The following TM9SF3 variants were observed in gnomAD, a reference collection of about 807,000 sequenced individuals.
TM9SF3 encodes the protein SM-11044-binding protein.
In TM9SF3, 14 loss-of-function variants were observed where a neutral mutation model predicts 78.6. The observed-to-expected ratio is 0.18, with a 90% CI of 0.12 to 0.28. TM9SF3 has a LOEUF of 0.28. Among genes scored for constraint, TM9SF3 ranks in the 10% least tolerant of loss-of-function variants. TM9SF3 has a pLI of 1.00. For synonymous variants in TM9SF3, 231 were observed against 241.7 expected (o/e 0.96, Z 0.41); for missense variants, 496 against 721.9 (o/e 0.69, Z 3.59).
intron 2 of TM9SF3, among the ~76,000 whole-genome samples, chr10:96,569,796 G>A (rs1413047367): frequency 6.6e-6 from 1 of 152,196 alleles, no homozygotes; most frequent in African/African-American, 2.4e-5. Flanking sequence ...CATTTTGGGA[G>A]GCCGAGGCAG....
Position 96,524,925 on chromosome 10 carries a change from T to C in TM9SF3, c.1702+2288A>G, listed in dbSNP as rs374998516. On this transcript the variant is annotated intron_variant, in intron 14 of 14. Transcript: ENST00000371142. ...CCATTAAAGAATAAATGCTGGGACA[T>C]TGCCAGAACAGCAGGGAACTGTAAA... Among the ~76,000 whole-genome samples the C allele has an allele frequency of 9.1e-4, 138 of 152,046 alleles. 3 individuals carry two copies. The South Asian group carries it at 0.025, about 28-fold the overall frequency.
chr10:96,586,922 G>C lies in TM9SF3; in HGVS notation c.-87C>G. 9.4e-7 allele frequency: 1 copy of C among 1,063,330 alleles called. No homozygotes were observed. Among genetic ancestry groups the C allele is most frequent in the East Asian group, 4.4e-5 (1 of 22,500 alleles). 65.9% of individuals were successfully genotyped at this position (1,063,330 alleles called of 1,614,324 possible). A position where few individuals can be genotyped will look rare whatever the true frequency, so the allele number is the denominator to read the frequency against. ...CGCCGCCGCCGCCTCCGCCGCGGCC[G>C]ATTCGCATCCACGGGGCGCGGACAG... On this transcript the variant is annotated 5_prime_UTR_variant, in exon 1 of 15. In the 5' UTR this introduces an upstream ATG that the reference lacks. Transcript: ENST00000371142.
At chr10:96,552,572 A>T (rs1189247052) in intron 6 of TM9SF3, among the ~76,000 whole-genome samples, 2 of 152,188 alleles carry the variant, frequency 1.3e-5, no homozygotes, top group African/African-American at 4.8e-5. Context: ...AACCCACTAA[A>T]CTGAACATAA....
intron 9 of TM9SF3, among the ~76,000 whole-genome samples, chr10:96,542,859 T>C (rs1848050535): frequency 6.6e-6 from 1 of 152,038 alleles, no homozygotes; most frequent in African/African-American, 2.4e-5. Flanking sequence ...TTAATAAAAA[T>C]GTATAATATT....
At chr10:96,586,043 C>T (rs1433282834) in intron 1 of TM9SF3, among the ~76,000 whole-genome samples, 1 of 152,214 alleles carries the variant, frequency 6.6e-6, no homozygotes, top group Admixed American at 6.5e-5. Context: ...CTGTCAGAAG[C>T]TGCCTTAGTT....
At chr10:96,565,499 A>T (rs1056407551) in intron 2 of TM9SF3, 73 bp from the exon 3 acceptor site, 2 of 1,463,306 alleles carry the variant, frequency 1.4e-6, no homozygotes. Context: ...AAAAGACAAG[A>T]AAAAAGCCAA....
At chr10:96,558,306 G>GA (rs35499782) in intron 5 of TM9SF3, among the ~76,000 whole-genome samples, 32,478 of 151,954 alleles carry the variant, frequency 0.21, 3,918 homozygotes, top group Admixed American at 0.31. Flanking sequence ...TGAGGTAGGG[G>GA]AAAAATTTTA....
chr10:96,577,329 C>T (rs1848508168), intron 1 of TM9SF3: 1 of 151,912 alleles, frequency 6.6e-6, no homozygotes, highest in Non-Finnish European at 1.5e-5. Flanking sequence ...GGTCAAAGTA[C>T]TACAGAGGAC....
chr10:96,557,912 TTG>T (rs1322650940), intron 5 of TM9SF3, among the ~76,000 whole-genome samples: 1 of 152,228 alleles, frequency 6.6e-6, no homozygotes, highest in Admixed American at 6.5e-5. Context: ...GTTTTACTTA[TTG>T]TGTTTATTTC....
intron 9 of TM9SF3, among the ~76,000 whole-genome samples, chr10:96,533,992 C>T (rs1236220886): frequency 6.6e-6 from 1 of 152,060 alleles, no homozygotes; most frequent in Non-Finnish European, 1.5e-5. Flanking sequence ...AGAATTGAAT[C>T]ACCTCTAAGA....
At chr10:96,538,662 T>C (rs1847986932) in intron 9 of TM9SF3, among the ~76,000 whole-genome samples, 2 of 152,186 alleles carry the variant, frequency 1.3e-5, no homozygotes, top group South Asian at 2.1e-4. Flanking sequence ...ATTTACAATA[T>C]ATAAGAACTC....
At chr10:96,573,206 G>T (rs1848458716) in intron 2 of TM9SF3, among the ~76,000 whole-genome samples, 1 of 152,184 alleles carries the variant, frequency 6.6e-6, no homozygotes, top group South Asian at 2.1e-4. Context: ...GAGACATAAT[G>T]TTCCAGTTTC....
chr10:96,564,966 T>C (rs1388465525), intron 3 of TM9SF3, among the ~76,000 whole-genome samples: 3 of 152,184 alleles, frequency 2.0e-5, no homozygotes, highest in Admixed American at 6.5e-5. Flanking sequence ...AAAATCCTAT[T>C]AGTCCCTTTA....
chr10:96,533,564 A>C (rs548208991), intron 9 of TM9SF3, among the ~76,000 whole-genome samples: 3 of 152,262 alleles, frequency 2.0e-5, no homozygotes, highest in Admixed American at 2.0e-4. Flanking sequence ...TTTTGAGCTC[A>C]TAAAATGCAC....
At chr10:96,563,306 C>A (rs566468188) in intron 3 of TM9SF3, among the ~76,000 whole-genome samples, 12 of 152,214 alleles carry the variant, frequency 7.9e-5, no homozygotes, top group South Asian at 4.1e-4. Flanking sequence ...AAACTCCTGG[C>A]CTTAGCTTCT....
chr10:96,565,494 ACAAG>A, intron 2 of TM9SF3, 68 bp from the exon 3 acceptor site: 2 of 1,454,036 alleles, frequency 1.4e-6, no homozygotes, highest in Non-Finnish European at 1.8e-6. Flanking sequence ...AAAAAAAAAG[ACAAG>A]AAAAAAGCCA....
chr10:96,561,869 G>A (rs1371528177), intron 4 of TM9SF3, 109 bp downstream of exon 4: 3 of 873,034 alleles, frequency 3.4e-6, no homozygotes, highest in African/African-American at 1.7e-5. Context: ...ATAATATTCT[G>A]TTGCATCCCA....
chr10:96,526,894 C>T (rs937100789), intron 14 of TM9SF3, among the ~76,000 whole-genome samples: 1 of 152,058 alleles, frequency 6.6e-6, no homozygotes, highest in East Asian at 1.9e-4. Context: ...TGGCATGTGC[C>T]TGTAGTCCCA....
intron 5 of TM9SF3, 137 bp from the exon 6 acceptor site, chr10:96,553,196 T>C: frequency 1.2e-6 from 1 of 864,676 alleles, no homozygotes. Flanking sequence ...AAATCCAAAT[T>C]TCAGACACTT....
Sources: gnomAD v4.1 joint callset for allele counts (sites outside exome capture counted in the v4.1 genomes callset) on GRCh38, gnomAD v4.1.1 for gene constraint, MANE v1.5 for transcripts, NCBI Gene and HGNC (gene_info 2026-07-23, HGNC 2026-07-21) for gene names.